The following ABLIM1 variants were observed in gnomAD, a reference collection of about 807,000 sequenced individuals.
ABLIM1 encodes the protein actin binding LIM protein 1, also known as actin-binding LIM protein 1.
In ABLIM1, 40 loss-of-function variants were observed where a neutral mutation model predicts 107.0. The ratio of observed to expected loss-of-function variants is 0.37; its 90% CI spans 0.29 to 0.49. ABLIM1 has a LOEUF of 0.49. Among genes scored for constraint, ABLIM1 ranks in the 20% least tolerant of loss-of-function variants. The pLI, the probability that ABLIM1 is intolerant of heterozygous loss-of-function variation, is 0.97. For synonymous variants in ABLIM1, 357 were observed against 357.3 expected, an observed-to-expected ratio of 1.00 and a Z score of 0.01; for missense variants, 857 against 1,008.5, an observed-to-expected ratio of 0.85 and a Z score of 2.04.
intron 1 of ABLIM1, among the ~76,000 whole-genome samples, chr10:114,680,951 T>G (rs1276536474): frequency 6.6e-6 from 1 of 152,196 alleles, no homozygotes; most frequent in African/African-American, 2.4e-5. Context: ...AGTATAGGGA[T>G]GGCTCTATGA....
At chr10:114,490,780 A>C (rs1938976633) in intron 7 of ABLIM1, among the ~76,000 whole-genome samples, 1 of 151,132 alleles carries the variant, frequency 6.6e-6, no homozygotes, top group African/African-American at 2.4e-5. Flanking sequence ...ATGATCATAT[A>C]TATATGGTCC....
upstream of ABLIM1, among the ~76,000 whole-genome samples, chr10:114,659,169 G>A (rs1422425642): frequency 1.3e-5 from 2 of 152,050 alleles, no homozygotes; most frequent in Non-Finnish European, 2.9e-5. Context: ...GAGCTGACAA[G>A]GCCATCAAAG....
chr10:114,662,222 G>GTT (rs1378026760), upstream of ABLIM1, among the ~76,000 whole-genome samples: 2 of 152,260 alleles, frequency 1.3e-5, no homozygotes, highest in Non-Finnish European at 2.9e-5. Context: ...TGATAATGGG[G>GTT]TTACTTTTCA....
chr10:114,444,152 G>T lies in ABLIM1; in HGVS notation c.1828-18C>A. 198 of 1,276,102 alleles carry T rather than the reference G, an allele frequency of 1.6e-4. No homozygotes were observed. Among genetic ancestry groups the T allele is most frequent in the Non-Finnish European group, 1.9e-4 (182 of 941,194 alleles). 79.0% of individuals were successfully genotyped at this position (1,276,102 alleles called of 1,614,324 possible). On this transcript the variant is annotated intron_variant, in intron 16 of 22. Coordinates refer to ENST00000533213, the MANE Select transcript of ABLIM1 (RefSeq NM_002313.7). ...GAGTTAAGCTATTCACAGAAAAAAG[G>T]AAAAAAAAAAAAAAAAGAAAGCAAA...
At chr10:114,719,069 C>T (rs750688462) in intron 1 of ABLIM1, among the ~76,000 whole-genome samples, 5 of 152,004 alleles carry the variant, frequency 3.3e-5, no homozygotes, top group Non-Finnish European at 5.9e-5. Flanking sequence ...GTAAACCTGG[C>T]AAGAATGGCC....
chr10:114,591,929 A>C (rs2074926633), intron 2 of ABLIM1, among the ~76,000 whole-genome samples: 2 of 152,200 alleles, frequency 1.3e-5, no homozygotes, highest in South Asian at 4.1e-4. Flanking sequence ...GGAGCATTTC[A>C]GATTTGAAAC....
chr10:114,756,504 A>T (rs570648045), intron 1 of ABLIM1, among the ~76,000 whole-genome samples: 1 of 152,172 alleles, frequency 6.6e-6, no homozygotes, highest in Non-Finnish European at 1.5e-5. Flanking sequence ...AGGGGAGATG[A>T]ACATTTTTAT....
rs564066304 is a variant in ABLIM1 at position 114,485,913 on chromosome 10, G to A, written c.1041+2045C>T. On this transcript the variant is annotated intron_variant, in intron 8 of 22. Transcript: ENST00000533213. ...CAAGATGTATTTCTCTGTTCAAAAC[G>A]TATTCCCTTTAAACCCTACCAACAT... Among the ~76,000 whole-genome samples the A allele has an allele frequency of 1.1e-3, 172 of 152,290 alleles. 3 individuals are homozygous for A. In the South Asian group the frequency reaches 0.032, roughly 28 times the overall value.
chr10:114,737,995 T>C (rs1422899925), intron 1 of ABLIM1, among the ~76,000 whole-genome samples: 1 of 152,182 alleles, frequency 6.6e-6, no homozygotes, highest in Middle Eastern at 3.2e-3. Flanking sequence ...CATCAAATTG[T>C]ATGCTTTAAA....
At chr10:114,458,113 T>C (rs146953108) in intron 12 of ABLIM1, among the ~76,000 whole-genome samples, 61 of 149,774 alleles carry the variant, frequency 4.1e-4, no homozygotes, top group African/African-American at 1.4e-3. Context: ...TGTGTGTGTG[T>C]GTGCGCACAT....
chr10:114,752,031 C>T (rs1479733803), intron 1 of ABLIM1, among the ~76,000 whole-genome samples: 1 of 152,196 alleles, frequency 6.6e-6, no homozygotes, highest in African/African-American at 2.4e-5. Context: ...GCTCAAGTAA[C>T]ATTACATAAG....
At chr10:114,761,310 C>G (rs1168669380) in intron 1 of ABLIM1, among the ~76,000 whole-genome samples, 2 of 152,076 alleles carry the variant, frequency 1.3e-5, no homozygotes, top group South Asian at 4.2e-4. Context: ...GTCCCTCCGC[C>G]CACATTCTAA....
chr10:114,674,873 A>T (rs1161723336), intron 1 of ABLIM1, among the ~76,000 whole-genome samples: 2 of 152,198 alleles, frequency 1.3e-5, no homozygotes, highest in East Asian at 3.9e-4. Flanking sequence ...AAATCTTTAA[A>T]GATGAAAGTT....
chr10:114,686,512 C>CAA (rs200301126), upstream of ABLIM1, among the ~76,000 whole-genome samples: 17 of 135,896 alleles, frequency 1.3e-4, no homozygotes, highest in East Asian at 1.0e-3. Context: ...GACCCCGTCT[C>CAA]AAAAAAAAAA....
At chr10:114,503,825 C>A (rs1034611876) in intron 6 of ABLIM1, among the ~76,000 whole-genome samples, 1 of 152,180 alleles carries the variant, frequency 6.6e-6, no homozygotes, top group African/African-American at 2.4e-5. Context: ...TTAATCTCAT[C>A]AGGTATCCAT....
At chr10:114,479,357 G>A (rs374445411) in intron 8 of ABLIM1, among the ~76,000 whole-genome samples, 3 of 152,150 alleles carry the variant, frequency 2.0e-5, no homozygotes, top group East Asian at 1.9e-4. Context: ...CTTCCCCAGC[G>A]TTCTCTACAG....
At chr10:114,488,154 C>T (rs2058454227) in intron 7 of ABLIM1, 138 bp from the exon 8 acceptor site, 1 of 918,824 alleles carries the variant, frequency 1.1e-6, no homozygotes, top group Non-Finnish European at 1.7e-6. Context: ...CCAAGTGAAT[C>T]ATAACACAAA....
At chr10:114,517,547 T>C (rs2136281758) in intron 6 of ABLIM1, among the ~76,000 whole-genome samples, 1 of 152,168 alleles carries the variant, frequency 6.6e-6, no homozygotes, top group East Asian at 1.9e-4. Flanking sequence ...GCCAAGTTTG[T>C]GGTGATCTAT....
intron 6 of ABLIM1, chr10:114,526,862 G>A: frequency 1.0e-6 from 1 of 985,432 alleles, no homozygotes; most frequent in Non-Finnish European, 1.2e-6. Context: ...TCCCTCTAGA[G>A]ACGCACTCCG....
Sources: allele counts gnomAD v4.1 joint callset (sites outside exome capture counted in the v4.1 genomes callset), GRCh38; gene constraint gnomAD v4.1.1; transcripts MANE v1.5; gene names NCBI Gene and HGNC (gene_info 2026-07-23, HGNC 2026-07-21).